Variants in MAP2K5 observed in about 807,000 individuals in gnomAD.
The protein encoded by MAP2K5 is dual specificity mitogen-activated protein kinase kinase 5.
In MAP2K5, 49 loss-of-function variants were observed where a neutral mutation model predicts 83.1. The ratio of observed to expected loss-of-function variants is 0.59; its 90% confidence interval spans 0.47 to 0.75. The LOEUF is 0.75. MAP2K5 is among the 30% of genes least tolerant of loss of function. The probability of loss-of-function intolerance (pLI) is 0.00; values close to 1 mark genes in which losing one functional copy is unlikely to be tolerated. For missense variants in MAP2K5, 457 were observed against 557.5 expected, an observed-to-expected ratio of 0.82 and a Z score of 1.82; for synonymous variants, 202 against 191.8, an observed-to-expected ratio of 1.05 and a Z score of -0.44.
chr15:67,783,691 G>A lies in MAP2K5; in HGVS notation c.1242+10939G>A, dbSNP rs747080098. Reference sequence around the variant, plus strand: ...TCCTTAGCATCTAGCCCAGTCTCCAGCCTGAGTAGAATGCTCAAATATATG... The same window carrying A: ...TCCTTAGCATCTAGCCCAGTCTCCAACCTGAGTAGAATGCTCAAATATATG... On this transcript the variant is annotated intron_variant, in intron 21 of 21. Transcript: ENST00000178640. The surrounding 1 kb of genome is among the most constrained non-coding windows in gnomAD (Gnocchi z 5.1). Among the ~76,000 whole-genome samples, 1 of 152,188 alleles carries A rather than the reference G, an allele frequency of 6.6e-6. No individual in the cohort carries two copies. The highest frequency in any genetic ancestry group is 1.9e-4 in the East Asian group (1 of 5,192).
At chr15:67,634,283 C>T (rs563247160) in intron 9 of MAP2K5, among the ~76,000 whole-genome samples, 10 of 141,510 alleles carry the variant, frequency 7.1e-5, no homozygotes, top group South Asian at 2.3e-4. Flanking sequence ...GTGGGAGGAT[C>T]GCTGAGCTGA....
chr15:67,613,730 G>A (rs370624734), intron 8 of MAP2K5, among the ~76,000 whole-genome samples: 17 of 151,896 alleles, frequency 1.1e-4, no homozygotes, highest in African/African-American at 4.1e-4. Flanking sequence ...GCTCCCTAGG[G>A]AAGCTTCTCC....
intron 11 of MAP2K5, among the ~76,000 whole-genome samples, chr15:67,656,442 A>G (rs1277492387): frequency 3.3e-5 from 5 of 151,350 alleles, no homozygotes; most frequent in African/African-American, 1.2e-4. Context: ...CTCCTGCCTC[A>G]GCCTCCTGAG....
chr15:67,571,568 G>A (rs2084947505), intron 3 of MAP2K5, among the ~76,000 whole-genome samples: 1 of 151,866 alleles, frequency 6.6e-6, no homozygotes, highest in South Asian at 2.1e-4. Flanking sequence ...ACTTGGAAAT[G>A]AGAGATTCAA....
chr15:67,543,205 T>G lies in MAP2K5; in HGVS notation c.-131T>G. On this transcript the variant is annotated 5_prime_UTR_variant, in exon 1 of 22. Transcript: ENST00000178640. This position sits in a 1 kb window ranked among gnomAD's most constrained non-coding sequence, Gnocchi z 4.3. ...TCACCCCTCCCCTCTTCCCTCCCCC[T>G]CATCCTCCATTCCCTTGTTTTCACC... The G allele has an allele frequency of 1.3e-6, 1 of 770,872 alleles. No homozygotes were observed. 47.8% of individuals were successfully genotyped at this position (770,872 alleles called of 1,614,324 possible). A position where few individuals can be genotyped will look rare whatever the true frequency, so the allele number is the denominator to read the frequency against.
At chr15:67,599,036 T>G (rs1469925303) in intron 7 of MAP2K5, among the ~76,000 whole-genome samples, 1 of 152,246 alleles carries the variant, frequency 6.6e-6, no homozygotes, top group African/African-American at 2.4e-5. Context: ...CCTTCATTGA[T>G]CAAAGTAAAC....
intron 3 of MAP2K5, among the ~76,000 whole-genome samples, chr15:67,579,452 ATGTATTCCAGAGAGTGTT>A (rs551121954): frequency 6.6e-6 from 1 of 152,294 alleles, no homozygotes; most frequent in East Asian, 1.9e-4. Flanking sequence ...TTGCCTTAGT[ATGTATTCCAGAGAGTGTT>A]TCACATGTTT....
At chr15:67,734,007 C>T (rs2089284516) in intron 17 of MAP2K5, among the ~76,000 whole-genome samples, 1 of 152,182 alleles carries the variant, frequency 6.6e-6, no homozygotes, top group Non-Finnish European at 1.5e-5. Flanking sequence ...TTTGCAAATG[C>T]TTTTTGATTA....
chr15:67,579,528 T>G (rs2085133673), intron 3 of MAP2K5, among the ~76,000 whole-genome samples: 1 of 152,212 alleles, frequency 6.6e-6, no homozygotes, highest in African/African-American at 2.4e-5. Context: ...AGAGAATCAC[T>G]TTCTTTACAG....
At chr15:67,688,899 C>G (rs1311197039) in intron 13 of MAP2K5, among the ~76,000 whole-genome samples, 1 of 152,160 alleles carries the variant, frequency 6.6e-6, no homozygotes, top group Non-Finnish European at 1.5e-5. Context: ...CAAATTATGT[C>G]TCAAGGTTGC....
At chr15:67,712,783 T>A (rs528172935) in intron 16 of MAP2K5, among the ~76,000 whole-genome samples, 1 of 152,236 alleles carries the variant, frequency 6.6e-6, no homozygotes, top group East Asian at 1.9e-4. Flanking sequence ...CTGGGTGTGG[T>A]GGCAGGTGTC....
chr15:67,608,819 A>G (rs1287085237), intron 8 of MAP2K5, among the ~76,000 whole-genome samples: 1 of 152,154 alleles, frequency 6.6e-6, no homozygotes, highest in Non-Finnish European at 1.5e-5. Context: ...AGAGTGATTA[A>G]TGTACTCTTT....
chr15:67,555,433 A>G lies in MAP2K5; in HGVS notation c.184+5351A>G, dbSNP rs2084605362. Among the ~76,000 whole-genome samples the G allele has an allele frequency of 7.2e-6, 1 of 138,056 alleles. No individual in the cohort carries two copies. Among genetic ancestry groups the G allele is most frequent in the Non-Finnish European group, 1.5e-5 (1 of 65,058 alleles). 90.6% of individuals were successfully genotyped at this position (138,056 alleles called of 152,430 possible). A position where few individuals can be genotyped will look rare whatever the true frequency, so the allele number is the denominator to read the frequency against. ...CCTCCTTCCAGGCCCCGCCTGCAACATTGGGGATCACTTTGGAGGGGACAA... is the reference window on the plus strand; with the variant it reads ...CCTCCTTCCAGGCCCCGCCTGCAACGTTGGGGATCACTTTGGAGGGGACAA... On this transcript the variant is annotated intron_variant, in intron 2 of 21. Coordinates refer to ENST00000178640, the MANE Select transcript of MAP2K5 (RefSeq NM_145160.3). The surrounding 1 kb of genome is among the most constrained non-coding windows in gnomAD (Gnocchi z 5.2).
chr15:67,669,693 T>G (rs1405196796), intron 13 of MAP2K5, among the ~76,000 whole-genome samples: 1 of 151,842 alleles, frequency 6.6e-6, no homozygotes, highest in Non-Finnish European at 1.5e-5. Flanking sequence ...ATGGATTGCT[T>G]GTGACTTTTA....
In MAP2K5 at chr15:67,612,993, T is replaced by C. The variant is rs543183543; in HGVS notation, c.545+12244T>C. Among the ~76,000 whole-genome samples the C allele has an allele frequency of 5.9e-3, 263 of 44,776 alleles. 1 individual carries two copies. Among genetic ancestry groups the C allele is most frequent in the Non-Finnish European group, 0.017 (191 of 11,468 alleles). The allele number at this position is 44,776 out of a possible 152,430, so 29.4% of individuals were successfully genotyped here. On this transcript the variant is annotated intron_variant, in intron 8 of 21. Coordinates refer to ENST00000178640, the MANE Select transcript of MAP2K5 (RefSeq NM_145160.3). ...AGTATTGAAGTGTTCATTTAGCTGA[T>C]AGTTAAAAGAGGAGTTATTTACAGA... is the stretch of plus-strand genomic sequence containing the variant.
At chr15:67,558,474 C>G (rs2084670890) in intron 2 of MAP2K5, among the ~76,000 whole-genome samples, 1 of 152,174 alleles carries the variant, frequency 6.6e-6, no homozygotes, top group Non-Finnish European at 1.5e-5. Context: ...GCCTCTTTTC[C>G]ACATGGCAGC....
chr15:67,603,463 T>C (rs2085707571), intron 8 of MAP2K5, among the ~76,000 whole-genome samples: 1 of 152,238 alleles, frequency 6.6e-6, no homozygotes, highest in African/African-American at 2.4e-5. Flanking sequence ...ACAGGATTGC[T>C]TATAGATGGT....
At position 67,759,559 on chromosome 15, in the gene MAP2K5, C is replaced by CAA. The variant is rs57643226; in HGVS notation, c.1135-10032_1135-10031dup. On this transcript the variant is annotated intron_variant, in intron 19 of 21. Coordinates refer to ENST00000178640, the MANE Select transcript of MAP2K5 (RefSeq NM_145160.3). Reference sequence around the variant, plus strand: ...TGGATGACAGAGCGAGACTGTGTCTCAAAAAAAAAAAAGAAAAGAAAAGAA... The same window carrying CAA: ...TGGATGACAGAGCGAGACTGTGTCTCAAAAAAAAAAAAAAGAAAAGAAAAGAA... Among the ~76,000 whole-genome samples the CAA allele has an allele frequency of 5.6e-3, 791 of 141,228 alleles. 5 individuals are homozygous for CAA. Among genetic ancestry groups the CAA allele is most frequent in the East Asian group, 0.015 (76 of 4,934 alleles). The allele number at this position is 141,228 out of a possible 152,430, so 92.7% of individuals were successfully genotyped here.
chr15:67,651,033 G>A (rs2086940590), intron 11 of MAP2K5, among the ~76,000 whole-genome samples: 4 of 152,126 alleles, frequency 2.6e-5, no homozygotes, highest in Admixed American at 2.6e-4. Flanking sequence ...TGGCCAACAT[G>A]GTGAAACCCC....
Sources: allele counts gnomAD v4.1 joint callset (sites outside exome capture counted in the v4.1 genomes callset), GRCh38; gene constraint gnomAD v4.1.1; non-coding constraint Gnocchi (gnomAD v3.1); transcripts MANE v1.5; gene names NCBI Gene and HGNC (gene_info 2026-07-23, HGNC 2026-07-21).